The following SMYD3 variants were observed in gnomAD, a reference collection of about 807,000 sequenced individuals.
SMYD3 encodes the protein SET and MYND domain containing 3.
In SMYD3, 36 loss-of-function variants were observed where a neutral mutation model predicts 57.7. The ratio of observed to expected loss-of-function variants is 0.62; its 90% CI spans 0.48 to 0.82. The LOEUF is 0.82. Ranked by LOEUF, SMYD3 falls within the 40% of genes least tolerant of loss-of-function variation. The pLI is 0.00. For missense variants in SMYD3, 515 were observed against 538.8 expected (o/e 0.96, Z 0.44); for synonymous variants, 211 against 195.0 (o/e 1.08, Z -0.68).
chr1:246,180,887 C>G (rs1329409986), intron 5 of SMYD3, among the ~76,000 whole-genome samples: 1 of 146,536 alleles, frequency 6.8e-6, no homozygotes, highest in African/African-American at 2.5e-5. Flanking sequence ...CCAGAACTGA[C>G]AGAAACAGAG....
intron 5 of SMYD3, among the ~76,000 whole-genome samples, chr1:245,958,046 C>T (rs532354718): frequency 1.2e-4 from 18 of 152,162 alleles, no homozygotes; most frequent in East Asian, 5.8e-4. Flanking sequence ...GAGAAACAAG[C>T]GGGTTTTCTA....
At chr1:246,419,165 T>C (rs1024028854) in intron 1 of SMYD3, among the ~76,000 whole-genome samples, 2 of 152,214 alleles carry the variant, frequency 1.3e-5, no homozygotes, top group African/African-American at 4.8e-5. Flanking sequence ...CTCCACCGCC[T>C]ATCTCTATAA....
At chr1:245,994,472 ACT>A (rs903177495) in intron 5 of SMYD3, among the ~76,000 whole-genome samples, 7 of 152,062 alleles carry the variant, frequency 4.6e-5, no homozygotes, top group African/African-American at 1.4e-4. Context: ...TGTGAGAGTT[ACT>A]CTCTCTAGAG....
chr1:246,017,515 T>C (rs1322710970), intron 5 of SMYD3, among the ~76,000 whole-genome samples: 2 of 152,182 alleles, frequency 1.3e-5, no homozygotes, highest in East Asian at 3.9e-4. Flanking sequence ...GCGTCTCAGT[T>C]TGGGGTTGCT....
chr1:246,506,062 T>C (rs1409839690), intron 1 of SMYD3, among the ~76,000 whole-genome samples: 2 of 152,174 alleles, frequency 1.3e-5, no homozygotes, highest in Non-Finnish European at 2.9e-5. Context: ...AGAACAATGG[T>C]CAAATTACAG....
intron 5 of SMYD3, among the ~76,000 whole-genome samples, chr1:246,168,298 A>T (rs1309946397): frequency 6.6e-6 from 1 of 152,226 alleles, no homozygotes; most frequent in Non-Finnish European, 1.5e-5. Flanking sequence ...TAAGGATGGG[A>T]AAAATGCACG....
intron 1 of SMYD3, among the ~76,000 whole-genome samples, chr1:246,504,156 T>C (rs1273154341): frequency 1.3e-5 from 2 of 152,042 alleles, no homozygotes; most frequent in Non-Finnish European, 2.9e-5. Context: ...TATACAGAAC[T>C]AAAGCTACTA....
chr1:246,215,965 C>T (rs539847365), intron 5 of SMYD3, among the ~76,000 whole-genome samples: 32 of 152,056 alleles, frequency 2.1e-4, no homozygotes, highest in Admixed American at 5.9e-4. Context: ...GAATAGAGAG[C>T]GAAAGATGGA....
At chr1:246,332,965 T>C (rs1364151597) in intron 3 of SMYD3, among the ~76,000 whole-genome samples, 2 of 152,232 alleles carry the variant, frequency 1.3e-5, no homozygotes, top group East Asian at 3.8e-4. Flanking sequence ...AGCCTTATAT[T>C]GGAAGAAGAT....
chr1:245,993,623 T>C lies in SMYD3; in HGVS notation c.532-63686A>G, dbSNP rs80286699. 4.0e-3 allele frequency among the ~76,000 whole-genome samples: 384 copies of C among 96,790 alleles called. 2 individuals carry two copies. Among genetic ancestry groups the C allele is most frequent in the South Asian group, 0.016 (42 of 2,588 alleles). 63.5% of individuals were successfully genotyped at this position (96,790 alleles called of 152,430 possible). A position where few individuals can be genotyped will look rare whatever the true frequency, so the allele number is the denominator to read the frequency against. On this transcript the variant is annotated intron_variant, in intron 5 of 11. Transcript: ENST00000490107. ...ATAGATAGATAGATAGATAGATAGA[T>C]AGATAGATAGACAGACAGACAGACA...
In SMYD3 at chr1:246,097,238, G is replaced by A. The variant is rs188365784; in HGVS notation, c.532-167301C>T. 9.7e-4 allele frequency among the ~76,000 whole-genome samples: 147 copies of A among 152,252 alleles called. 1 individual carries two copies. The highest frequency in any genetic ancestry group is 5.1e-4 in the Non-Finnish European group (35 of 68,018). The stretch of plus-strand genomic sequence containing the variant: ...CCTTAACTTGCACCAAGCCTGAGGA[G>A]GTCAGTGCTTGGCACACATTAAGAA... On this transcript the variant is annotated intron_variant, in intron 5 of 11. Transcript: ENST00000490107.
chr1:246,367,989 AG>A (rs1192551382), intron 1 of SMYD3, among the ~76,000 whole-genome samples: 5 of 152,230 alleles, frequency 3.3e-5, no homozygotes, highest in African/African-American at 4.8e-5. Context: ...GAAAATTCTT[AG>A]GTTACTCAGT....
At chr1:245,758,472 A>G (rs1302430366) in intron 11 of SMYD3, among the ~76,000 whole-genome samples, 1 of 152,216 alleles carries the variant, frequency 6.6e-6, no homozygotes, top group South Asian at 2.1e-4. Flanking sequence ...ACTGATTCAT[A>G]GGTCCCCTGA....
chr1:246,004,142 G>A (rs762513025), intron 5 of SMYD3, among the ~76,000 whole-genome samples: 3 of 152,190 alleles, frequency 2.0e-5, no homozygotes, highest in Admixed American at 6.5e-5. Context: ...AAATCGGTAC[G>A]CAAAATGGCC....
chr1:246,023,199 T>C (rs902873624), intron 5 of SMYD3, among the ~76,000 whole-genome samples: 6 of 152,158 alleles, frequency 3.9e-5, no homozygotes, highest in African/African-American at 1.4e-4. Flanking sequence ...TAAAGAAGCA[T>C]CTACTTAAAA....
chr1:245,847,043 T>C (rs2050702138), intron 10 of SMYD3, among the ~76,000 whole-genome samples: 2 of 152,208 alleles, frequency 1.3e-5, no homozygotes, highest in Admixed American at 6.5e-5. Flanking sequence ...GTTCAAAGGC[T>C]ATGGCTGGCC....
intron 5 of SMYD3, among the ~76,000 whole-genome samples, chr1:245,952,757 A>C (rs2057701400): frequency 6.6e-6 from 1 of 152,216 alleles, no homozygotes; most frequent in Non-Finnish European, 1.5e-5. Context: ...GGTTTTTACT[A>C]AGCTAAAAGG....
intron 10 of SMYD3, among the ~76,000 whole-genome samples, chr1:245,794,994 C>CT (rs56963280): frequency 6.6e-6 from 1 of 152,070 alleles, no homozygotes; most frequent in Non-Finnish European, 1.5e-5. Flanking sequence ...CAGTGGTTCT[C>CT]TTTTTGATGC....
intron 5 of SMYD3, among the ~76,000 whole-genome samples, chr1:246,192,947 T>C (rs1473669011): frequency 6.6e-6 from 1 of 151,220 alleles, no homozygotes; most frequent in Non-Finnish European, 1.5e-5. Flanking sequence ...TGCATTTCAA[T>C]TGATAATGAA....
Sources: allele counts gnomAD v4.1 joint callset (sites outside exome capture counted in the v4.1 genomes callset), GRCh38; gene constraint gnomAD v4.1.1; transcripts MANE v1.5; gene names NCBI Gene and HGNC (gene_info 2026-07-23, HGNC 2026-07-21).